The following EFCAB8 variants were observed in gnomAD, a reference collection of about 807,000 sequenced individuals.
EFCAB8 encodes EF-hand calcium binding domain 8.
A neutral mutation model predicts 116.3 loss-of-function variants in EFCAB8; 100 were observed. That is an observed-to-expected ratio of 0.86 (90% confidence interval 0.73 to 1.02). The LOEUF is 1.02. Among genes scored for constraint, EFCAB8 ranks in the 50% least tolerant of loss-of-function variants. EFCAB8 has a pLI of 0.00. For synonymous variants in EFCAB8, 558 were observed against 567.9 expected (o/e 0.98, Z 0.25); for missense variants, 1,320 against 1,416.9 (o/e 0.93, Z 1.10).
chr20:32,923,827 G>A (rs1299540442), intron 20 of EFCAB8, among the ~76,000 whole-genome samples: 2 of 152,132 alleles, frequency 1.3e-5, no homozygotes, highest in Non-Finnish European at 2.9e-5. Context: ...ACTGCACAGA[G>A]TCTGTATAGC....
chr20:32,958,034 A>T (rs1052026112), intron 23 of EFCAB8, among the ~76,000 whole-genome samples: 1 of 151,990 alleles, frequency 6.6e-6, no homozygotes, highest in African/African-American at 2.4e-5. Flanking sequence ...CTCCAGCCCC[A>T]TTCCTTCCCC....
chr20:32,877,290 C>T (rs1362294660), intron 4 of EFCAB8, among the ~76,000 whole-genome samples: 2 of 137,112 alleles, frequency 1.5e-5, no homozygotes, highest in Non-Finnish European at 3.1e-5. Flanking sequence ...CTCTTTGCAA[C>T]CTCTGCCTCC....
At chr20:32,890,353 C>G (rs1401979976) in intron 7 of EFCAB8, among the ~76,000 whole-genome samples, 1 of 152,176 alleles carries the variant, frequency 6.6e-6, no homozygotes, top group African/African-American at 2.4e-5. Context: ...TCCAGGAAGC[C>G]CTCCCTGACC....
intron 14 of EFCAB8, among the ~76,000 whole-genome samples, chr20:32,909,416 G>A (rs757890461): frequency 2.6e-5 from 4 of 152,172 alleles, no homozygotes; most frequent in East Asian, 1.9e-4. Context: ...AGATAATTTC[G>A]GTAGAAAGTG....
intron 23 of EFCAB8, among the ~76,000 whole-genome samples, chr20:32,945,292 A>G (rs565733986): frequency 4.6e-5 from 7 of 152,174 alleles, no homozygotes; most frequent in Admixed American, 4.6e-4. Context: ...AGTAGCTGGG[A>G]CTACAGGTGC....
chr20:32,893,024 A>C, intron 8 of EFCAB8, 150 bp from the exon 9 acceptor site: 1 of 840,358 alleles, frequency 1.2e-6, no homozygotes. Flanking sequence ...TATTTTTAGT[A>C]GAGATGAGGT....
intron 22 of EFCAB8, among the ~76,000 whole-genome samples, chr20:32,936,005 T>C (rs1432236665): frequency 6.6e-6 from 1 of 151,982 alleles, no homozygotes; most frequent in Non-Finnish European, 1.5e-5. Context: ...TTTGTCTATT[T>C]TTGCTTTTAT....
Position 32,940,748 on chromosome 20 carries a change from C to T in EFCAB8, c.2791-2888C>T, listed in dbSNP as rs113952755. 3.4e-3 allele frequency among the ~76,000 whole-genome samples: 511 copies of T among 149,780 alleles called. 32 individuals are homozygous for T. Among genetic ancestry groups the T allele is most frequent in the African/African-American group, 0.011 (447 of 40,380 alleles). On this transcript the variant is annotated intron_variant, in intron 22 of 26. Coordinates refer to ENST00000400522, the MANE Select transcript of EFCAB8 (RefSeq NM_001143967.2). ...AATGATAAATAACCAAATTAAGATACGGGTAAAGGATCTAAATAAACATTT... is the reference window on the plus strand; with the variant it reads ...AATGATAAATAACCAAATTAAGATATGGGTAAAGGATCTAAATAAACATTT...
intron 21 of EFCAB8, among the ~76,000 whole-genome samples, 167 bp downstream of exon 21, chr20:32,930,783 G>C (rs985577703): frequency 6.6e-6 from 1 of 152,220 alleles, no homozygotes; most frequent in Admixed American, 6.5e-5. Flanking sequence ...CCCAGTGACA[G>C]GAGCGGGTCT....
chr20:32,868,462 T>A (rs1446228985), intron 3 of EFCAB8, among the ~76,000 whole-genome samples: 2 of 152,298 alleles, frequency 1.3e-5, no homozygotes, highest in East Asian at 1.9e-4. Context: ...AGAAAATTTT[T>A]AAAAATACCC....
At chr20:32,884,397 A>C (rs1016478218) in intron 5 of EFCAB8, among the ~76,000 whole-genome samples, 14 of 152,128 alleles carry the variant, frequency 9.2e-5, no homozygotes, top group African/African-American at 3.4e-4. Context: ...GCTGTCACCT[A>C]TCATCCCATT....
intron 20 of EFCAB8, among the ~76,000 whole-genome samples, chr20:32,929,920 A>G (rs1987828401): frequency 6.6e-6 from 1 of 152,236 alleles, no homozygotes; most frequent in African/African-American, 2.4e-5. Context: ...AGCAAAGGGC[A>G]TGATCAAAAC....
intron 11 of EFCAB8, chr20:32,903,614 A>ATAT (rs1436613787): frequency 1.3e-5 from 2 of 152,250 alleles, no homozygotes; most frequent in Non-Finnish European, 2.9e-5. Flanking sequence ...TCGGCAGCAC[A>ATAT]TATACGTGTG....
rs11167189 is a variant in EFCAB8 at position 32,961,618 on chromosome 20, G to A, written c.*9G>A. 554,777 of 1,294,684 alleles carry A rather than the reference G, an allele frequency of 0.43. 125,764 individuals are homozygous for A. The highest frequency in any genetic ancestry group is 0.46 in the Non-Finnish European group (468,198 of 1,018,828). 80.2% of individuals were successfully genotyped at this position (1,294,684 alleles called of 1,614,324 possible). A position where few individuals can be genotyped will look rare whatever the true frequency, so the allele number is the denominator to read the frequency against. Reference sequence around the variant, plus strand: ...CCCATGTCAGGTTCTGAGGTGCTCCGCTGTCTTCTCTAGTCCTCCAGCAGG... The same window carrying A: ...CCCATGTCAGGTTCTGAGGTGCTCCACTGTCTTCTCTAGTCCTCCAGCAGG... On this transcript the variant is annotated 3_prime_UTR_variant, in exon 27 of 27. Coordinates refer to ENST00000400522, the MANE Select transcript of EFCAB8 (RefSeq NM_001143967.2).
intron 1 of EFCAB8, 51 bp from the exon 2 acceptor site, chr20:32,863,732 C>T (rs1391582698): frequency 9.1e-6 from 14 of 1,530,142 alleles, no homozygotes; most frequent in Middle Eastern, 2.1e-4. Flanking sequence ...CAGCCTTCCA[C>T]GTGGTCCTTA....
chr20:32,869,806 C>T (rs1984600372), intron 3 of EFCAB8, among the ~76,000 whole-genome samples: 1 of 152,148 alleles, frequency 6.6e-6, no homozygotes, highest in African/African-American at 2.4e-5. Flanking sequence ...ATGCTAATAT[C>T]CTAAGGAATT....
In EFCAB8 at chr20:32,896,733, G is replaced by A. The variant is rs1600396556; in HGVS notation, c.957+206G>A. ...CTGTGGCCATGCCCCTCTCACTACC[G>A]CCATTGCTAAGCCCTGGTCCTGGCC... On this transcript the variant is annotated intron_variant, in intron 10 of 26. Coordinates refer to ENST00000400522, the MANE Select transcript of EFCAB8 (RefSeq NM_001143967.2). Among the ~76,000 whole-genome samples the A allele has an allele frequency of 3.3e-5, 5 of 152,280 alleles. 1 individual carries two copies. The highest frequency in any genetic ancestry group is 6.5e-5 in the Admixed American group (1 of 15,304).
chr20:32,927,706 A>T (rs952757423), intron 20 of EFCAB8, among the ~76,000 whole-genome samples: 2 of 152,088 alleles, frequency 1.3e-5, no homozygotes, highest in Middle Eastern at 3.2e-3. Flanking sequence ...AGGTGATTTT[A>T]ATTTCCTTTC....
rs141962611 is a variant in EFCAB8 at position 32,899,667 on chromosome 20, C to T, written c.1088+1044C>T. ...TCGGCTCGCCACAACCTCTGCCTCC[C>T]GGGTTCAAGTGATTCTCCTGCCTCA... On this transcript the variant is annotated intron_variant, in intron 11 of 26. Coordinates refer to ENST00000400522, the MANE Select transcript of EFCAB8 (RefSeq NM_001143967.2). Among the ~76,000 whole-genome samples the T allele has an allele frequency of 4.6e-3, 706 of 151,932 alleles. 6 individuals carry two copies. Among genetic ancestry groups the T allele is most frequent in the African/African-American group, 0.016 (677 of 41,442 alleles).
Sources: gnomAD v4.1 joint callset for allele counts (sites outside exome capture counted in the v4.1 genomes callset) on GRCh38, gnomAD v4.1.1 for gene constraint, MANE v1.5 for transcripts, NCBI Gene and HGNC (gene_info 2026-07-23, HGNC 2026-07-21) for gene names.